The following HENMT1 variants were observed in gnomAD, a reference collection of about 807,000 sequenced individuals.
The protein encoded by HENMT1 is small RNA 2'-O-methyltransferase.
HENMT1 carries 27 observed loss-of-function variants against 31.1 expected under a neutral mutation model. The observed-to-expected ratio is 0.87, with a 90% confidence interval of 0.64 to 1.20. The LOEUF (loss-of-function observed/expected upper bound fraction) is 1.20. Ranked by LOEUF, HENMT1 falls within the 50% of genes most tolerant of loss-of-function variation. The probability of loss-of-function intolerance (pLI) is 0.00; values close to 1 mark genes in which losing one functional copy is unlikely to be tolerated. For synonymous variants in HENMT1, 167 were observed against 172.2 expected (o/e 0.97, Z 0.24); for missense variants, 438 against 469.6 (o/e 0.93, Z 0.62).
At chr1:108,658,084 C>CATATATATGT (rs1570639026) in intron 2 of HENMT1, among the ~76,000 whole-genome samples, 1 of 129,620 alleles carries the variant, frequency 7.7e-6, no homozygotes, top group African/African-American at 2.7e-5. Context: ...CACACACACA[C>CATATATATGT]ACACACACAC....
At chr1:108,659,645 T>G (rs1366879663) in intron 2 of HENMT1, among the ~76,000 whole-genome samples, 1 of 152,188 alleles carries the variant, frequency 6.6e-6, no homozygotes, top group African/African-American at 2.4e-5. Context: ...TAAAATAGAT[T>G]TTGCTACTTT....
rs1935086214 is a variant in HENMT1 at position 108,655,400 on chromosome 1, C to T, written c.263+186G>A. Among the ~76,000 whole-genome samples, 4 of 152,116 alleles carry T rather than the reference C, an allele frequency of 2.6e-5. No homozygotes were observed. The South Asian group carries it at 8.3e-4, about 31-fold the overall frequency. ...TTATAATCATTTAATTGAGGCTATT[C>T]TTTAAGTTGGTAGCAATAAAATGCA... is the stretch of plus-strand genomic sequence containing the variant. On this transcript the variant is annotated intron_variant, in intron 4 of 7. Transcript: ENST00000651461.
At chr1:108,655,777 G>C in intron 3 of HENMT1, 79 bp from the exon 4 acceptor site, 4 of 773,788 alleles carry the variant, frequency 5.2e-6, no homozygotes, top group Middle Eastern at 4.6e-4. Flanking sequence ...TTGAGGAGGA[G>C]AGAGTGGAGT....
intron 2 of HENMT1, among the ~76,000 whole-genome samples, chr1:108,658,154 C>CG (rs1385511092): frequency 1.3e-5 from 2 of 150,570 alleles, no homozygotes; most frequent in African/African-American, 4.9e-5. Context: ...CCCCCCAAGA[C>CG]GGAGTCTTGC....
rs58348990 is a variant in HENMT1, at chr1:108,658,046, T to TACAC, written c.22-471_22-468dup. Among the ~76,000 whole-genome samples the TACAC allele has an allele frequency of 3.5e-3, 491 of 140,448 alleles. 19 individuals carry two copies. The East Asian group carries it at 0.068, about 19-fold the overall frequency. The allele number at this position is 140,448 out of a possible 152,430, so 92.1% of individuals were successfully genotyped here. A position where few individuals can be genotyped will look rare whatever the true frequency, so the allele number is the denominator to read the frequency against. ...ACACTTACACACACACACATATATA[T>TACAC]ACACACACACACACATATATATGTA... On this transcript the variant is annotated intron_variant, in intron 2 of 7. Transcript: ENST00000651461.
At chr1:108,649,437 C>T (rs760670029) in intron 7 of HENMT1, 3 of 435,132 alleles carry the variant, frequency 6.9e-6, no homozygotes, top group Non-Finnish European at 1.4e-5. Context: ...CCTGTCTCTA[C>T]GGAAAAAAAA....
intron 3 of HENMT1, among the ~76,000 whole-genome samples, chr1:108,656,046 T>G (rs1658230683): frequency 6.6e-6 from 1 of 152,164 alleles, no homozygotes; most frequent in South Asian, 2.1e-4. Context: ...AATCAGAATT[T>G]GGAGTCAAAT....
chr1:108,657,210 G>A (rs1401109287), intron 3 of HENMT1, among the ~76,000 whole-genome samples: 4 of 152,018 alleles, frequency 2.6e-5, no homozygotes. Context: ...CCATTCCACT[G>A]TCCTTTCAAA....
chr1:108,652,008 G>A (rs531330757), intron 5 of HENMT1, among the ~76,000 whole-genome samples: 114 of 152,302 alleles, frequency 7.5e-4, no homozygotes, highest in African/African-American at 2.7e-3. Flanking sequence ...GAGACACTCA[G>A]ATACAGCGAC....
intron 5 of HENMT1, among the ~76,000 whole-genome samples, chr1:108,653,201 A>T (rs1274842035): frequency 6.6e-6 from 1 of 151,924 alleles, no homozygotes; most frequent in Non-Finnish European, 1.5e-5. Context: ...TTTTTACTAG[A>T]GACGGGGTTT....
In HENMT1 at chr1:108,650,345, T is replaced by C; in HGVS notation, c.622A>G (p.Thr208Ala). 6.2e-7 allele frequency: 1 copy of C among 1,614,134 alleles called. No homozygotes were observed. ...ANRYDYSVEF[T>A]GVGEPPAGAE... ...CCAGCTGGTGGTTCCCCGACACCAG[T>C]AAACTCCACAGAGTAATCATAGCGA... The change falls in exon 7 of 8, where the codon ACT becomes GCT. Residue 208 changes from threonine to alanine, a missense_variant. By Grantham distance (58) the Thr-to-Ala change is moderately conservative. Coordinates refer to ENST00000651461, the MANE Select transcript of HENMT1 (RefSeq NM_001102592.2).
intron 3 of HENMT1, among the ~76,000 whole-genome samples, chr1:108,656,561 A>G (rs1327310644): frequency 2.0e-5 from 3 of 152,202 alleles, no homozygotes; most frequent in Non-Finnish European, 4.4e-5. Context: ...AGCTCACTGC[A>G]GCCTCAACCT....
At position 108,661,019 on chromosome 1, in the gene HENMT1, C is replaced by T. The variant is rs528215683; in HGVS notation, c.-135G>A. On this transcript the variant is annotated 5_prime_UTR_variant, in exon 1 of 8. Coordinates refer to ENST00000651461, the MANE Select transcript of HENMT1 (RefSeq NM_001102592.2). ...GTCGCTTCCATCATCCTGCGGTAAG[C>T]AGCATGCCCAACCGAAAAAACAAAG... 18 of 985,108 alleles carry T rather than the reference C, an allele frequency of 1.8e-5. No homozygotes were observed. In the South Asian group the frequency reaches 6.1e-4, roughly 33 times the overall value. 61.0% of individuals were successfully genotyped at this position (985,108 alleles called of 1,614,324 possible). A position where few individuals can be genotyped will look rare whatever the true frequency, so the allele number is the denominator to read the frequency against.
At chr1:108,657,418 A>C in intron 3 of HENMT1, 33 bp downstream of exon 3, 1 of 1,525,206 alleles carries the variant, frequency 6.6e-7, no homozygotes, top group Non-Finnish European at 9.1e-7. Flanking sequence ...TACTAGTCTT[A>C]ATAATTAAAT....
intron 2 of HENMT1, among the ~76,000 whole-genome samples, chr1:108,658,638 T>C (rs1658342954): frequency 6.6e-6 from 1 of 152,196 alleles, no homozygotes; most frequent in Admixed American, 6.5e-5. Flanking sequence ...CCTCAAACCC[T>C]GGCCCCAATC....
chr1:108,657,431 T>A lies in HENMT1; in HGVS notation c.150+20A>T. On this transcript the variant is annotated intron_variant, in intron 3 of 7. Transcript: ENST00000651461. Reference sequence around the variant, plus strand: ...TCTACTAGTCTTAATAATTAAATGTTTGGAAAGAGAAATACCTACCTTCTT... The same window carrying A: ...TCTACTAGTCTTAATAATTAAATGTATGGAAAGAGAAATACCTACCTTCTT... 1.3e-6 allele frequency: 2 copies of A among 1,571,254 alleles called. No individual in the cohort carries two copies. The highest frequency in any genetic ancestry group is 1.7e-6 in the Non-Finnish European group (2 of 1,144,442).
intron 7 of HENMT1, among the ~76,000 whole-genome samples, 195 bp from the exon 8 acceptor site, chr1:108,649,186 G>A (rs1245613533): frequency 6.6e-6 from 1 of 152,068 alleles, no homozygotes; most frequent in Admixed American, 6.6e-5. Flanking sequence ...TATCCGATTT[G>A]CTTTCTAATG....
chr1:108,655,489 A>G (rs961830163), intron 4 of HENMT1, 97 bp downstream of exon 4: 3 of 675,390 alleles, frequency 4.4e-6, no homozygotes, highest in African/African-American at 3.8e-5. Context: ...AATGGCCCCA[A>G]TCTTTTAAAA....
chr1:108,653,697 A>G (rs561271752), intron 5 of HENMT1, among the ~76,000 whole-genome samples: 5 of 152,050 alleles, frequency 3.3e-5, no homozygotes, highest in Non-Finnish European at 5.9e-5. Flanking sequence ...GCATTTTTTC[A>G]TCTACTTGTT....
Sources: gnomAD v4.1 joint callset for allele counts (sites outside exome capture counted in the v4.1 genomes callset) on GRCh38, gnomAD v4.1.1 for gene constraint, MANE v1.5 for transcripts, NCBI Gene and HGNC (gene_info 2026-07-23, HGNC 2026-07-21) for gene names.